The following GREB1L variants were observed in gnomAD, a reference collection of about 807,000 sequenced individuals.
GREB1L encodes GREB1-like protein.
Under a neutral mutation model 200.8 loss-of-function variants are expected in GREB1L, and 17 were observed. That is an observed-to-expected ratio of 0.08 (90% CI 0.06 to 0.13). GREB1L has a LOEUF of 0.13. Ranked by LOEUF, GREB1L falls within the 10% of genes least tolerant of loss-of-function variation. The probability of loss-of-function intolerance (pLI) is 1.00; values close to 1 mark genes in which losing one functional copy is unlikely to be tolerated. For synonymous variants in GREB1L, 789 were observed against 893.0 expected (o/e 0.88, Z 2.08); for missense variants, 1,657 against 2,367.7 (o/e 0.70, Z 6.23).
intron 1 of GREB1L, among the ~76,000 whole-genome samples, chr18:21,317,195 G>C (rs1179191063): frequency 6.6e-6 from 1 of 151,994 alleles, no homozygotes; most frequent in Non-Finnish European, 1.5e-5. Flanking sequence ...GCAACATAGT[G>C]AGACCTGTCT....
rs1473731099 is a variant in GREB1L, at chr18:21,521,067, T to G, written c.5608+244T>G. Among the ~76,000 whole-genome samples the G allele has an allele frequency of 5.3e-5, 8 of 152,088 alleles. No individual in the cohort carries two copies. The East Asian group carries it at 5.8e-4, about 11-fold the overall frequency. On this transcript the variant is annotated intron_variant, in intron 32 of 32. Transcript: ENST00000424526. The stretch of plus-strand genomic sequence containing the variant: ...CAAAAATTAGCCAGGCATGGTGGTG[T>G]GCACCTGTAGTCCCAGCTACTGGGG...
At chr18:21,403,505 G>A (rs539316153) in intron 6 of GREB1L, among the ~76,000 whole-genome samples, 2 of 152,244 alleles carry the variant, frequency 1.3e-5, no homozygotes, top group Admixed American at 6.5e-5. Context: ...ACCAATCCCA[G>A]GTAGGATGTT....
At chr18:21,402,926 A>G (rs1250699990) in intron 6 of GREB1L, among the ~76,000 whole-genome samples, 1 of 151,240 alleles carries the variant, frequency 6.6e-6, no homozygotes, top group Non-Finnish European at 1.5e-5. Flanking sequence ...TTATATATAT[A>G]CACATATAAT....
intron 1 of GREB1L, among the ~76,000 whole-genome samples, chr18:21,357,251 A>G (rs1359836191): frequency 4.6e-5 from 7 of 152,118 alleles, no homozygotes; most frequent in Non-Finnish European, 8.8e-5. Flanking sequence ...ACAGGGTTTC[A>G]CCATGTTAGC....
At chr18:21,367,444 G>A (rs1264952248) in intron 2 of GREB1L, among the ~76,000 whole-genome samples, 1 of 152,150 alleles carries the variant, frequency 6.6e-6, no homozygotes, top group African/African-American at 2.4e-5. Context: ...TTTCCTTGGA[G>A]CAGAAAGCGG....
intron 1 of GREB1L, among the ~76,000 whole-genome samples, chr18:21,276,306 C>T (rs1261073902): frequency 3.3e-5 from 5 of 152,196 alleles, no homozygotes; most frequent in Non-Finnish European, 7.3e-5. Context: ...ACCTAACTCT[C>T]CAACCATTTA....
At chr18:21,371,756 C>A (rs1464479705) in intron 2 of GREB1L, among the ~76,000 whole-genome samples, 1 of 149,810 alleles carries the variant, frequency 6.7e-6, no homozygotes, top group Non-Finnish European at 1.5e-5. Flanking sequence ...TGCACTCCAG[C>A]CTAGGAGACA....
At chr18:21,296,140 G>A (rs1164211060) in intron 1 of GREB1L, among the ~76,000 whole-genome samples, 1 of 152,142 alleles carries the variant, frequency 6.6e-6, no homozygotes, top group Non-Finnish European at 1.5e-5. Context: ...ATTCGTTGCA[G>A]CACTATTCAC....
At chr18:21,472,073 A>G (rs945684280) in intron 15 of GREB1L, among the ~76,000 whole-genome samples, 1 of 152,266 alleles carries the variant, frequency 6.6e-6, no homozygotes, top group Admixed American at 6.5e-5. Flanking sequence ...GTTTGAAAGC[A>G]AAATTACCTT....
rs1253232761 is a variant in GREB1L, at chr18:21,440,367, G to A, written c.1048G>A (p.Val350Ile). The A allele has an allele frequency of 1.3e-6, 2 of 1,551,914 alleles. No homozygotes were observed. Among genetic ancestry groups the A allele is most frequent in the South Asian group, 2.4e-5 (2 of 84,042 alleles). Residue 350 changes from valine to isoleucine, a missense_variant, in exon 9 of 33, where the codon GTT becomes ATT. Coordinates refer to ENST00000424526, the MANE Select transcript of GREB1L (RefSeq NM_001142966.3). ...TGGCTTAGTTGTACCTGTCCCTACAGTTCGCCCTCTTTCAAGAACGGGTAA... is the reference window on the plus strand; with the variant it reads ...TGGCTTAGTTGTACCTGTCCCTACAATTCGCCCTCTTTCAAGAACGGGTAA... ...QPGLVVPVPT[V>I]RPLSRTEPLL...
At chr18:21,442,321 A>C (rs574097155) in intron 10 of GREB1L, among the ~76,000 whole-genome samples, 2 of 152,340 alleles carry the variant, frequency 1.3e-5, no homozygotes, top group Admixed American at 1.3e-4. Flanking sequence ...GTGTGTTTAC[A>C]TGCAGTGTTA....
intron 1 of GREB1L, among the ~76,000 whole-genome samples, chr18:21,257,402 CTG>C (rs759114764): frequency 6.6e-6 from 1 of 152,104 alleles, no homozygotes; most frequent in Admixed American, 6.5e-5. Context: ...AAAATACTAA[CTG>C]TGGTATTTTT....
At chr18:21,248,800 A>C (rs943976879) in intron 1 of GREB1L, among the ~76,000 whole-genome samples, 4 of 152,210 alleles carry the variant, frequency 2.6e-5, no homozygotes, top group African/African-American at 9.7e-5. Flanking sequence ...TCAGTCTCTC[A>C]GTTATACTGG....
intron 7 of GREB1L, among the ~76,000 whole-genome samples, chr18:21,406,961 G>A (rs889871795): frequency 6.9e-6 from 1 of 144,302 alleles, no homozygotes; most frequent in East Asian, 2.1e-4. Context: ...TGCAATCTCC[G>A]CCTCCCAAGT....
chr18:21,347,353 T>G (rs2039362929), intron 1 of GREB1L, among the ~76,000 whole-genome samples: 2 of 152,016 alleles, frequency 1.3e-5, no homozygotes, highest in South Asian at 4.1e-4. Context: ...TTCTCCAGAT[T>G]GTCTTGTCCC....
chr18:21,261,392 G>A (rs779848957), intron 1 of GREB1L, among the ~76,000 whole-genome samples: 2 of 152,042 alleles, frequency 1.3e-5, no homozygotes, highest in African/African-American at 4.8e-5. Context: ...CATAGTTGTT[G>A]TTGGGATTGT....
At chr18:21,371,310 A>T (rs1248591368) in intron 2 of GREB1L, among the ~76,000 whole-genome samples, 1 of 152,060 alleles carries the variant, frequency 6.6e-6, no homozygotes, top group Non-Finnish European at 1.5e-5. Context: ...ATTTCTTAAT[A>T]AATAAATTGT....
chr18:21,479,294 C>T (rs1356755048), intron 17 of GREB1L, among the ~76,000 whole-genome samples: 1 of 152,202 alleles, frequency 6.6e-6, no homozygotes, highest in Non-Finnish European at 1.5e-5. Flanking sequence ...AAAGGGATCA[C>T]ACCCCAGTGA....
At position 21,449,552 on chromosome 18, in the gene GREB1L, T is replaced by C; in HGVS notation, c.1436T>C (p.Met479Thr). 1.3e-6 allele frequency: 2 copies of C among 1,550,808 alleles called. No individual in the cohort carries two copies. Among genetic ancestry groups the C allele is most frequent in the Non-Finnish European group, 1.7e-6 (2 of 1,146,602 alleles). ...CTCAGGGAAGAATTTGAGCAAATTA[T>C]GCTGAAAGCTATGCAAGAATTTACT... ...VPLREEFEQI[M>T]LKAMQEFTLR... Residue 479 changes from methionine to threonine, a missense_variant, in exon 12 of 33, where the codon ATG becomes ACG. This residue lies in a region of GREB1L where 289 missense variants were observed against 345.1 expected (regional missense o/e 0.84). Transcript: ENST00000424526.
Sources: allele counts gnomAD v4.1 joint callset (sites outside exome capture counted in the v4.1 genomes callset), GRCh38; gene constraint gnomAD v4.1.1; regional missense constraint gnomAD v4.1.1; transcripts MANE v1.5; gene names NCBI Gene and HGNC (gene_info 2026-07-23, HGNC 2026-07-21).